CPNE3: variants seen among roughly 807,000 people sequenced by gnomAD.
The protein encoded by CPNE3 is copine-3.
A neutral mutation model predicts 63.9 loss-of-function variants in CPNE3; 68 were observed. That is an observed-to-expected ratio of 1.06 (90% CI 0.87 to 1.30). The LOEUF is 1.30. CPNE3 is among the 50% of genes most tolerant of loss of function. The probability of loss-of-function intolerance (pLI) is 0.00; values close to 1 mark genes in which losing one functional copy is unlikely to be tolerated. For missense variants in CPNE3, 665 were observed against 578.1 expected (o/e 1.15, Z -1.54); for synonymous variants, 219 against 197.5 (o/e 1.11, Z -0.91).
chr8:86,523,577 T>C (rs1445351513), intron 2 of CPNE3, among the ~76,000 whole-genome samples: 2 of 152,110 alleles, frequency 1.3e-5, no homozygotes, highest in Non-Finnish European at 2.9e-5. Flanking sequence ...TGAAGTATCA[T>C]TTGAAGTGTT....
intron 2 of CPNE3, among the ~76,000 whole-genome samples, chr8:86,523,851 G>T (rs1046708369): frequency 1.3e-5 from 2 of 152,180 alleles, no homozygotes; most frequent in Non-Finnish European, 2.9e-5. Context: ...CCCACCCAAA[G>T]TGCTGGGATT....
chr8:86,539,144 C>G (rs1163676664), intron 7 of CPNE3, among the ~76,000 whole-genome samples: 2 of 152,216 alleles, frequency 1.3e-5, no homozygotes, highest in East Asian at 1.9e-4. Flanking sequence ...ACAGTGTATG[C>G]TTTGTATTTA....
intron 14 of CPNE3, among the ~76,000 whole-genome samples, chr8:86,552,618 A>G (rs1160514789): frequency 6.6e-6 from 1 of 151,948 alleles, no homozygotes; most frequent in African/African-American, 2.4e-5. Context: ...GGTTTTAAAC[A>G]AAGGAGATAC....
chr8:86,526,015 G>A (rs1453933772), intron 2 of CPNE3, among the ~76,000 whole-genome samples: 1 of 152,156 alleles, frequency 6.6e-6, no homozygotes, highest in Non-Finnish European at 1.5e-5. Context: ...TTACTGATGA[G>A]GAAATCTAGG....
Position 86,558,370 on chromosome 8 carries a change from T to C in CPNE3, c.1574T>C (p.Leu525Pro), listed in dbSNP as rs752225097. Residue 525 changes from leucine to proline, a missense_variant, in exon 17 of 17, where the codon CTT becomes CCT. Transcript: ENST00000517490. ...GGCTACTTCAATACATACAAACTCCTTCCTCCCAAGAACCCAGCCACGAAA... is the reference window on the plus strand; with the variant it reads ...GGCTACTTCAATACATACAAACTCCCTCCTCCCAAGAACCCAGCCACGAAA... ...VVGYFNTYKL[L>P]PPKNPATKQQ... The C allele has an allele frequency of 4.6e-6, 4 of 872,938 alleles. No homozygotes were observed. The Middle Eastern group carries it at 6.5e-4, about 142-fold the overall frequency. The allele number at this position is 872,938 out of a possible 1,614,324, so 54.1% of individuals were successfully genotyped here.
chr8:86,541,075 C>T (rs942585635), intron 8 of CPNE3, among the ~76,000 whole-genome samples: 13 of 151,984 alleles, frequency 8.6e-5, no homozygotes, highest in Admixed American at 5.2e-4. Context: ...AGACTTCAGT[C>T]GATCAAAGGG....
chr8:86,520,566 A>AG (rs1405562740), intron 2 of CPNE3, among the ~76,000 whole-genome samples: 1 of 151,778 alleles, frequency 6.6e-6, no homozygotes, highest in African/African-American at 2.4e-5. Flanking sequence ...AAAAAAAAAA[A>AG]GATTTAACAG....
At chr8:86,557,732 A>T (rs1386438789) in intron 16 of CPNE3, among the ~76,000 whole-genome samples, 1 of 152,120 alleles carries the variant, frequency 6.6e-6, no homozygotes, top group African/African-American at 2.4e-5. Context: ...GCATCGAATT[A>T]TACAGAAACA....
intron 7 of CPNE3, among the ~76,000 whole-genome samples, chr8:86,539,654 T>G (rs916338295): frequency 6.9e-6 from 1 of 144,806 alleles, no homozygotes; most frequent in Admixed American, 7.0e-5. Context: ...TCAATAATCC[T>G]CCGCAGTTTT....
intron 3 of CPNE3, 90 bp from the exon 4 acceptor site, chr8:86,528,855 G>T: frequency 7.5e-7 from 1 of 1,328,022 alleles, no homozygotes; most frequent in South Asian, 1.4e-5. Context: ...TAGTTGTCAT[G>T]CCTATGTTTA....
At chr8:86,544,358 C>T (rs1157229414) in intron 8 of CPNE3, among the ~76,000 whole-genome samples, 2 of 152,100 alleles carry the variant, frequency 1.3e-5, no homozygotes, top group African/African-American at 4.8e-5. Flanking sequence ...CATATAATGG[C>T]TTTTAGCCAT....
chr8:86,539,660 G>GTTTTTT lies in CPNE3; in HGVS notation c.544-570_544-565dup, dbSNP rs369540210. 9.2e-5 allele frequency among the ~76,000 whole-genome samples: 10 copies of GTTTTTT among 108,162 alleles called. 1 individual carries two copies. The highest frequency in any genetic ancestry group is 1.2e-4 in the Non-Finnish European group (7 of 56,280). 71.0% of individuals were successfully genotyped at this position (108,162 alleles called of 152,430 possible). On this transcript the variant is annotated intron_variant, in intron 7 of 16. Transcript: ENST00000517490. The stretch of plus-strand genomic sequence containing the variant: ...CTATTAAAATCAATAATCCTCCGCA[G>GTTTTTT]TTTTTTTTTTTTTTTTTTTTGAGAC...
At chr8:86,517,416 A>G (rs1224952733) in intron 2 of CPNE3, among the ~76,000 whole-genome samples, 4 of 152,182 alleles carry the variant, frequency 2.6e-5, no homozygotes, top group Admixed American at 2.6e-4. Context: ...ACACATTGTT[A>G]TCCGGCTATT....
chr8:86,545,883 A>G (rs1306869440), intron 9 of CPNE3, among the ~76,000 whole-genome samples: 1 of 152,234 alleles, frequency 6.6e-6, no homozygotes, highest in African/African-American at 2.4e-5. Flanking sequence ...AACACAGAGT[A>G]TGTAACTAAA....
At position 86,542,628 on chromosome 8, in the gene CPNE3, A is replaced by G. The variant is rs1472032068; in HGVS notation, c.634-2112A>G. Among the ~76,000 whole-genome samples the G allele has an allele frequency of 3.3e-5, 5 of 151,870 alleles. No individual in the cohort carries two copies. The East Asian group carries it at 9.6e-4, about 29-fold the overall frequency. On this transcript the variant is annotated intron_variant, in intron 8 of 16. Transcript: ENST00000517490. ...TATATACTTGCATATACATATGCAT[A>G]TGTATATATGCATATATTGTTATGC...
At chr8:86,520,073 C>T (rs1820400181) in intron 2 of CPNE3, among the ~76,000 whole-genome samples, 1 of 145,918 alleles carries the variant, frequency 6.9e-6, no homozygotes, top group African/African-American at 2.4e-5. Context: ...CCTTTTTCTT[C>T]CATTTCTCCT....
At chr8:86,531,701 A>G (rs1456291728) in intron 5 of CPNE3, among the ~76,000 whole-genome samples, 1 of 152,092 alleles carries the variant, frequency 6.6e-6, no homozygotes, top group Non-Finnish European at 1.5e-5. Flanking sequence ...TCTGCTGCCC[A>G]TCCTTCCACC....
At chr8:86,524,190 A>G (rs1046153971) in intron 2 of CPNE3, among the ~76,000 whole-genome samples, 1 of 152,178 alleles carries the variant, frequency 6.6e-6, no homozygotes, top group Non-Finnish European at 1.5e-5. Context: ...CAGAATCTCT[A>G]TGACATCTTT....
At chr8:86,544,636 C>T in intron 8 of CPNE3, 104 bp from the exon 9 acceptor site, 1 of 442,672 alleles carries the variant, frequency 2.3e-6, no homozygotes, top group Non-Finnish European at 3.5e-6. Context: ...TTTTCATTTA[C>T]TTTAATTAAA....
Sources: gnomAD v4.1 joint callset for allele counts (sites outside exome capture counted in the v4.1 genomes callset) on GRCh38, gnomAD v4.1.1 for gene constraint, MANE v1.5 for transcripts, NCBI Gene and HGNC (gene_info 2026-07-23, HGNC 2026-07-21) for gene names.